HOGA1: variants seen among roughly 807,000 people sequenced by gnomAD.
HOGA1 encodes 4-hydroxy-2-oxoglutarate aldolase, mitochondrial.
Under a neutral mutation model 34.3 loss-of-function variants are expected in HOGA1, and 30 were observed. The ratio of observed to expected loss-of-function variants is 0.87; its 90% CI spans 0.65 to 1.19. The LOEUF (loss-of-function observed/expected upper bound fraction) is 1.19. Ranked by LOEUF, HOGA1 falls within the 50% of genes most tolerant of loss-of-function variation. The pLI, the probability that HOGA1 is intolerant of heterozygous loss-of-function variation, is 0.00. For missense variants in HOGA1, 417 were observed against 436.5 expected, an observed-to-expected ratio of 0.96 and a Z score of 0.40; for synonymous variants, 161 against 174.0, an observed-to-expected ratio of 0.93 and a Z score of 0.59.
intron 1 of HOGA1, chr10:97,590,384 A>G: frequency 1.2e-6 from 2 of 1,614,120 alleles, no homozygotes; most frequent in Non-Finnish European, 1.7e-6. Flanking sequence ...GTCCAAGGAC[A>G]TCAACCAGGA....
intron 6 of HOGA1, among the ~76,000 whole-genome samples, chr10:97,608,323 T>A (rs907885113): frequency 3.3e-5 from 5 of 151,468 alleles, no homozygotes; most frequent in Admixed American, 2.0e-4. Context: ...AAAAAGAAAT[T>A]TAAAAAATAC....
At chr10:97,592,005 A>AT (rs1001630051) in intron 1 of HOGA1, among the ~76,000 whole-genome samples, 2 of 150,060 alleles carry the variant, frequency 1.3e-5, no homozygotes, top group Admixed American at 1.3e-4. Flanking sequence ...TGCCTGGCAA[A>AT]TTTTTTTTGT....
At chr10:97,589,975 C>T in intron 1 of HOGA1, 1 of 1,614,050 alleles carries the variant, frequency 6.2e-7, no homozygotes, top group Non-Finnish European at 8.5e-7. Flanking sequence ...CACCAGAATC[C>T]CATAAAGCAA....
At chr10:97,587,429 CAAAT>C (rs1564754428) in intron 1 of HOGA1, among the ~76,000 whole-genome samples, 1 of 152,054 alleles carries the variant, frequency 6.6e-6, no homozygotes, top group African/African-American at 2.4e-5. Flanking sequence ...TCTATTAAAA[CAAAT>C]AAATAGGAGG....
intron 1 of HOGA1, chr10:97,590,358 A>G: frequency 6.2e-7 from 1 of 1,614,040 alleles, no homozygotes; most frequent in Non-Finnish European, 8.5e-7. Context: ...GCTTACCAGC[A>G]CTCAGGTCAC....
At position 97,600,069 on chromosome 10, in the gene HOGA1, G is replaced by A. The variant is rs1388047905; in HGVS notation, c.606G>A (p.Val202=). The A allele has an allele frequency of 6.2e-7, 1 of 1,614,066 alleles. No homozygotes were observed. Among genetic ancestry groups the A allele is most frequent in the Admixed American group, 1.7e-5 (1 of 60,014 alleles). ...TCACACCACATTTGCTGTTGCAGGTGACCAGGATTGGGCTGATTGTTCACA... is the reference window on the plus strand; with the variant it reads ...TCACACCACATTTGCTGTTGCAGGTAACCAGGATTGGGCTGATTGTTCACA... ...IVGMKDSGGD[V]TRIGLIVHKT... is the part of the protein sequence containing the mutation. Residue 202 remains valine (V), a splice_region_variant and synonymous_variant, in exon 5 of 7, where the codon GTG becomes GTA. Coordinates refer to ENST00000370646, the MANE Select transcript of HOGA1 (RefSeq NM_138413.4).
intron 6 of HOGA1, chr10:97,602,347 G>A: frequency 2.5e-6 from 3 of 1,219,438 alleles, no homozygotes; most frequent in Non-Finnish European, 3.1e-6. Context: ...TGTAAACCAG[G>A]GGCCTCTAAA....
chr10:97,590,225 C>T, intron 1 of HOGA1: 1 of 1,613,890 alleles, frequency 6.2e-7, no homozygotes, highest in Non-Finnish European at 8.5e-7. Context: ...CCAAGAGATC[C>T]ACCAGGAGTC....
Position 97,584,638 on chromosome 10 carries a change from A to G in HOGA1, c.-66A>G, listed in dbSNP as rs760703304. ...AAACATTGATCATTAATAGGGGGTT[A>G]GAAAGAGTTCAAACTAAGTCTCACT... On this transcript the variant is annotated 5_prime_UTR_variant, in exon 1 of 7. Coordinates refer to ENST00000370646, the MANE Select transcript of HOGA1 (RefSeq NM_138413.4). 207 of 1,356,408 alleles carry G rather than the reference A, an allele frequency of 1.5e-4. No homozygotes were observed. Among genetic ancestry groups the G allele is most frequent in the Non-Finnish European group, 2.1e-4 (201 of 974,712 alleles). 84.0% of individuals were successfully genotyped at this position (1,356,408 alleles called of 1,614,324 possible).
At chr10:97,610,006 A>G (rs557465433) in intron 6 of HOGA1, among the ~76,000 whole-genome samples, 1 of 152,072 alleles carries the variant, frequency 6.6e-6, no homozygotes, top group Non-Finnish European at 1.5e-5. Flanking sequence ...TATCCTCCTA[A>G]GGTTTTAGCT....
chr10:97,597,597 C>G (rs560391140), intron 1 of HOGA1, among the ~76,000 whole-genome samples: 1 of 152,236 alleles, frequency 6.6e-6, no homozygotes, highest in Non-Finnish European at 1.5e-5. Context: ...TTTGTTCTGA[C>G]AATACCATGA....
intron 6 of HOGA1, among the ~76,000 whole-genome samples, chr10:97,606,653 G>A (rs1196531836): frequency 1.3e-5 from 2 of 152,172 alleles, no homozygotes; most frequent in Non-Finnish European, 2.9e-5. Context: ...GACTACTGTA[G>A]CTAAGTCTTC....
intron 1 of HOGA1, chr10:97,590,581 C>A: frequency 6.2e-7 from 1 of 1,605,060 alleles, no homozygotes; most frequent in Non-Finnish European, 8.5e-7. Context: ...TCTGTGACTT[C>A]TTGGAAGCCA....
rs192829433 is a variant in HOGA1 at position 97,611,402 on chromosome 10, G to T, written c.835-108G>T. 1.0e-3 allele frequency: 1,374 copies of T among 1,310,088 alleles called. 9 individuals carry two copies. In the African/African-American group the frequency reaches 0.018, roughly 17 times the overall value. 81.2% of individuals were successfully genotyped at this position (1,310,088 alleles called of 1,614,324 possible). ...CCATAGAGTTGGCAGTTACTTTCCT[G>T]GGGGAAGAGGGTAGGACTTCAATGT... On this transcript the variant is annotated intron_variant, in intron 6 of 6. Coordinates refer to ENST00000370646, the MANE Select transcript of HOGA1 (RefSeq NM_138413.4).
chr10:97,602,253 A>G (rs2041124955), intron 6 of HOGA1: 10 of 1,454,808 alleles, frequency 6.9e-6, no homozygotes, highest in Non-Finnish European at 9.2e-6. Context: ...TTTGGGCCCA[A>G]GAAGATGCAT....
intron 1 of HOGA1, chr10:97,590,303 A>C: frequency 6.2e-7 from 1 of 1,613,770 alleles, no homozygotes; most frequent in Non-Finnish European, 8.5e-7. Flanking sequence ...GGAGATTGAC[A>C]CCCAGGGGCG....
rs542127187 is a variant in HOGA1, at chr10:97,603,274, C to G, written c.834+1284C>G. Among the ~76,000 whole-genome samples the G allele has an allele frequency of 2.0e-5, 3 of 151,886 alleles. No homozygotes were observed. The highest frequency in any genetic ancestry group is 4.4e-5 in the Non-Finnish European group (3 of 67,958). On this transcript the variant is annotated intron_variant, in intron 6 of 6. Coordinates refer to ENST00000370646, the MANE Select transcript of HOGA1 (RefSeq NM_138413.4). This position sits in a 1 kb window ranked among gnomAD's most constrained non-coding sequence, Gnocchi z 4.5. ...CTGCCTCGGCCTCCCAATCTTTTTT[C>G]TTTTATTTTTTTTATTTTCGAAACA...
chr10:97,589,848 C>CA, intron 1 of HOGA1: 2 of 1,437,282 alleles, frequency 1.4e-6, no homozygotes, highest in Non-Finnish European at 1.9e-6. Context: ...CAGCAGCCAT[C>CA]ATGCAAGGTG....
Position 97,594,258 on chromosome 10 carries a change from C to T in HOGA1, c.212-4517C>T, listed in dbSNP as rs557183338. ...TGGTGCGATCTGGGCTCACTGCAAC[C>T]TCCACCTCCCAGGCTTAAGCAATTC... is the stretch of plus-strand genomic sequence containing the variant. On this transcript the variant is annotated intron_variant, in intron 1 of 6. Transcript: ENST00000370646. 4.7e-5 allele frequency among the ~76,000 whole-genome samples: 7 copies of T among 150,354 alleles called. No individual in the cohort carries two copies. The East Asian group carries it at 1.4e-3, about 30-fold the overall frequency.
Sources: gnomAD v4.1 joint callset for allele counts (sites outside exome capture counted in the v4.1 genomes callset) on GRCh38, gnomAD v4.1.1 for gene constraint, Gnocchi (gnomAD v3.1) non-coding constraint, MANE v1.5 for transcripts, NCBI Gene and HGNC (gene_info 2026-07-23, HGNC 2026-07-21) for gene names.